Variants in USP36 observed in about 807,000 individuals in gnomAD.
USP36 encodes the protein ubiquitin carboxyl-terminal hydrolase 36.
Under a neutral mutation model 111.5 loss-of-function variants are expected in USP36, and 59 were observed. The observed-to-expected ratio is 0.53, with a 90% confidence interval of 0.43 to 0.66. USP36 has a LOEUF of 0.66. Ranked by LOEUF, USP36 falls within the 30% of genes least tolerant of loss-of-function variation. The pLI is 0.00. For synonymous variants in USP36, 628 were observed against 581.0 expected, an observed-to-expected ratio of 1.08 and a Z score of -1.16; for missense variants, 1,488 against 1,468.0, an observed-to-expected ratio of 1.01 and a Z score of -0.22.
At chr17:78,795,270 G>C (rs1265314118), downstream of USP36, among the ~76,000 whole-genome samples, 2 of 152,126 alleles carry the variant, frequency 1.3e-5, no homozygotes, top group Non-Finnish European at 2.9e-5. This position sits in a 1 kb window ranked among gnomAD's most constrained non-coding sequence, Gnocchi z 4.5. Flanking sequence ...TCCTCATTTT[G>C]GGGTGTCCAG....
chr17:78,788,175 T>TA (rs1000738242), intron 3 of USP36, among the ~76,000 whole-genome samples: 10 of 152,124 alleles, frequency 6.6e-5, no homozygotes, highest in African/African-American at 2.4e-4. Context: ...TTTATTTATT[T>TA]TTTTTTTTGA....
In USP36 at chr17:78,836,146, T is replaced by C. The variant is rs753192647; in HGVS notation, c.218A>G (p.His73Arg). 1.1e-5 allele frequency: 17 copies of C among 1,613,930 alleles called. No homozygotes were observed. Among genetic ancestry groups the C allele is most frequent in the Non-Finnish European group, 1.4e-5 (16 of 1,180,044 alleles). ...LNPKTEGASR[H>R]KSGDDPPARR... is the part of the protein sequence containing the mutation. ...GGCCGGTGGGTCATCTCCACTCTTG[T>C]GGCGACTAGCTCCCTCTGTTTTGGG... Residue 73 changes from histidine to arginine, a missense_variant, in exon 3 of 21, where the codon CAC becomes CGC. By Grantham distance (29) the His-to-Arg change is conservative. Around this residue, in one of 3 missense-constraint regions of USP36, gnomAD observed 219 missense variants for 209.5 expected, o/e 1.05. Transcript: ENST00000449938.
rs751667887 is a variant in USP36 at position 78,803,974 on chromosome 17, C to T, written c.2221G>A (p.Val741Met). The change falls in exon 16 of 21, where the codon GTG becomes ATG. Residue 741 changes from valine (V) to methionine (M), a missense_variant. Physicochemically the swap from Val to Met is conservative, Grantham distance 21. Around this residue, in one of 3 missense-constraint regions of USP36, gnomAD observed 1,073 missense variants for 994.1 expected, o/e 1.08. Coordinates refer to ENST00000449938, the MANE Select transcript of USP36 (RefSeq NM_001385174.1). The surrounding 1 kb of genome is among the most constrained non-coding windows in gnomAD (Gnocchi z 4.6). ...CTGGATGATTGGGGAGCAGGTGACA[C>T]AGCCCTGTGGGGACAGCCAGGAAAC... ...STWPVHRARAVSPAPQSSSRL... is the reference protein window; with the variant it reads ...STWPVHRARAMSPAPQSSSRL... 3 of 1,590,636 alleles carry T rather than the reference C, an allele frequency of 1.9e-6. No homozygotes were observed. Among genetic ancestry groups the T allele is most frequent in the South Asian group, 2.2e-5 (2 of 89,164 alleles).
intron 10 of USP36, among the ~76,000 whole-genome samples, chr17:78,816,394 G>A (rs956690077): frequency 1.3e-5 from 2 of 152,044 alleles, no homozygotes; most frequent in Non-Finnish European, 2.9e-5. Flanking sequence ...GGGAGGCCGA[G>A]GTGGGTGGAT....
At position 78,828,955 on chromosome 17, in the gene USP36, C is replaced by T; in HGVS notation, c.528G>A (p.Gln176=). ...MLCVMQNHIV[Q]AFANSGNAIK... ...TGGCGTTGCCGCTGTTGGCGAAGGC[C>T]TGGACAATGTGGTTCTGCATGACAC... Residue 176 remains glutamine, a synonymous_variant, in exon 5 of 21, where the codon CAG becomes CAA. Transcript: ENST00000449938. 6.2e-7 allele frequency: 1 copy of T among 1,614,164 alleles called. No homozygotes were observed. Among genetic ancestry groups the T allele is most frequent in the Non-Finnish European group, 8.5e-7 (1 of 1,180,046 alleles).
intron 10 of USP36, among the ~76,000 whole-genome samples, chr17:78,814,989 G>A (rs566904514): frequency 1.7e-4 from 26 of 151,758 alleles, no homozygotes; most frequent in Middle Eastern, 6.9e-3. Context: ...AATTTGGGGC[G>A]AATGGGTGTG....
At chr17:78,813,712 C>T in intron 12 of USP36, 61 bp downstream of exon 12, 1 of 1,489,686 alleles carries the variant, frequency 6.7e-7, no homozygotes. Flanking sequence ...TAGGGAGGCC[C>T]ACCGGTATAA....
intron 18 of USP36, 68 bp from the exon 19 acceptor site, chr17:78,799,091 G>A: frequency 2.7e-6 from 4 of 1,468,104 alleles, no homozygotes; most frequent in Non-Finnish European, 3.8e-6. Flanking sequence ...CACTTCAAGA[G>A]TGTCATTTAC....
At chr17:78,832,969 T>A (rs1375787997) in intron 4 of USP36, among the ~76,000 whole-genome samples, 1 of 152,050 alleles carries the variant, frequency 6.6e-6, no homozygotes, top group African/African-American at 2.4e-5. Flanking sequence ...GTCAACATGG[T>A]GAAACTTCGT....
chr17:78,818,692 T>G lies in USP36; in HGVS notation c.998A>C (p.Asn333Thr). Reference sequence around the variant, plus strand: ...CTTGGTGATCTTCCCCCCGCTGAAGTTGGCAAAGCGCTTGAGGGAAAGGGT... The same window carrying G: ...CTTGGTGATCTTCCCCCCGCTGAAGGTGGCAAAGCGCTTGAGGGAAAGGGT... ...VLTLSLKRFA[N>T]FSGGKITKDV... The change falls in exon 10 of 21, where the codon AAC becomes ACC. Residue 333 changes from asparagine to threonine, a missense_variant. Transcript: ENST00000449938. 1 of 1,613,912 alleles carries G rather than the reference T, an allele frequency of 6.2e-7. No individual in the cohort carries two copies. The highest frequency in any genetic ancestry group is 8.5e-7 in the Non-Finnish European group (1 of 1,179,848).
chr17:78,814,290 T>A, intron 11 of USP36, 122 bp downstream of exon 11: 11 of 1,372,690 alleles, frequency 8.0e-6, no homozygotes, highest in Non-Finnish European at 1.1e-5. Flanking sequence ...AACGAGGACT[T>A]GAATACAACC....
At position 78,818,741 on chromosome 17, in the gene USP36, T is replaced by C; in HGVS notation, c.949A>G (p.Ile317Val). Residue 317 changes from isoleucine to valine, a missense_variant, in exon 10 of 21, where the codon ATC becomes GTC. Physicochemically the swap from Ile to Val is conservative, Grantham distance 29. Transcript: ENST00000449938. ...KKVPASKRFT[I>V]HRTSNVLTLS... Reference sequence around the variant, plus strand: ...GTTAAGACGTTGGATGTTCTGTGGATGGTGAAGCGCTTGCTGGCTGGAACC... The same window carrying C: ...GTTAAGACGTTGGATGTTCTGTGGACGGTGAAGCGCTTGCTGGCTGGAACC... 1 of 1,614,056 alleles carries C rather than the reference T, an allele frequency of 6.2e-7. No homozygotes were observed. The highest frequency in any genetic ancestry group is 1.7e-5 in the Admixed American group (1 of 60,016).
intron 17 of USP36, 131 bp from the exon 18 acceptor site, chr17:78,799,899 T>C (rs2093698451): frequency 4.7e-6 from 3 of 631,632 alleles, no homozygotes; most frequent in Non-Finnish European, 7.3e-6. Context: ...TTTTTTTTTT[T>C]TTTTTTAAAG....
In USP36 at chr17:78,813,114, T is replaced by C. The variant is rs971043669; in HGVS notation, c.1266-113A>G. ...GCAGAAACACGGCCTGGGGAAACCCTGCCAGTCCTAACCACTTCTCTGGAA... is the reference window on the plus strand; with the variant it reads ...GCAGAAACACGGCCTGGGGAAACCCCGCCAGTCCTAACCACTTCTCTGGAA... On this transcript the variant is annotated intron_variant, in intron 12 of 20. Transcript: ENST00000449938. 1.2e-5 allele frequency: 17 copies of C among 1,371,636 alleles called. No individual in the cohort carries two copies. The Admixed American group carries it at 2.4e-4, about 19-fold the overall frequency. The allele number at this position is 1,371,636 out of a possible 1,614,324, so 85.0% of individuals were successfully genotyped here.
In USP36 at chr17:78,798,458, G is replaced by A; in HGVS notation, c.3334C>T (p.His1112Tyr). ...CTGAGGCTGGCAGCCTTTGCTGGGT[G>A]AGTCACAGACCAGAAGTTCCGTCGA... ...QTRRNFWSVT[H>Y]PAKAASLSYR... Residue 1112 changes from histidine (H) to tyrosine (Y), a missense_variant, in exon 20 of 21, where the codon CAC (histidine) becomes TAC (tyrosine). Around this residue, in one of 3 missense-constraint regions of USP36, gnomAD observed 1,073 missense variants for 994.1 expected, o/e 1.08. Transcript: ENST00000449938. This position sits in a 1 kb window ranked among gnomAD's most constrained non-coding sequence, Gnocchi z 5.1. 6.2e-7 allele frequency: 1 copy of A among 1,614,200 alleles called. No individual in the cohort carries two copies. The highest frequency in any genetic ancestry group is 2.2e-5 in the East Asian group (1 of 44,880).
At chr17:78,800,234 C>T (rs2093707028) in intron 17 of USP36, among the ~76,000 whole-genome samples, 1 of 152,198 alleles carries the variant, frequency 6.6e-6, no homozygotes, top group African/African-American at 2.4e-5. Context: ...GAATCCACCT[C>T]ACCTACGGGA....
chr17:78,818,847 CTAAGT>C (rs1261322914), intron 9 of USP36, 69 bp from the exon 10 acceptor site: 82 of 1,526,858 alleles, frequency 5.4e-5, no homozygotes, highest in Non-Finnish European at 6.9e-5. Flanking sequence ...TGTCTTAACG[CTAAGT>C]TAATAACAGC....
chr17:78,835,725 C>A (rs907577826), intron 3 of USP36, among the ~76,000 whole-genome samples: 1 of 152,170 alleles, frequency 6.6e-6, no homozygotes, highest in Non-Finnish European at 1.5e-5. Context: ...AATTCAAGGG[C>A]CCCTCTATAG....
At chr17:78,828,851 A>G (rs777676047) in intron 5 of USP36, 46 bp downstream of exon 5, 1 of 1,586,822 alleles carries the variant, frequency 6.3e-7, no homozygotes, top group African/African-American at 1.4e-5. Flanking sequence ...ACAAAAAATT[A>G]AAAAATAAAT....
Sources: allele counts gnomAD v4.1 joint callset (sites outside exome capture counted in the v4.1 genomes callset), GRCh38; gene constraint gnomAD v4.1.1; regional missense constraint gnomAD v4.1.1; non-coding constraint Gnocchi (gnomAD v3.1); transcripts MANE v1.5; gene names NCBI Gene and HGNC (gene_info 2026-07-23, HGNC 2026-07-21).